INTS6L: variants seen among roughly 807,000 people sequenced by gnomAD.
INTS6L encodes integrator complex subunit 6-like.
Under a neutral mutation model 64.7 loss-of-function variants are expected in INTS6L, and 18 were observed. The observed-to-expected ratio is 0.28, with a 90% CI of 0.19 to 0.41. INTS6L has a LOEUF of 0.41. Among genes scored for constraint, INTS6L ranks in the 10% least tolerant of loss-of-function variants. The pLI is 1.00. For missense variants in INTS6L, 533 were observed against 661.0 expected (o/e 0.81, Z 2.12); for synonymous variants, 227 against 235.9 (o/e 0.96, Z 0.34).
At chrX:135,577,932 G>A (rs2087274659) in intron 15 of INTS6L, among the ~76,000 whole-genome samples, 2 of 112,017 alleles carry the variant, frequency 1.8e-5, no homozygotes, top group African/African-American at 6.5e-5. Flanking sequence ...TCTCATCAAG[G>A]TCACTAGTGT....
intron 11 of INTS6L, 42 bp from the exon 12 acceptor site, chrX:135,572,773 A>G: frequency 9.3e-7 from 1 of 1,078,726 alleles, no homozygotes; most frequent in South Asian, 2.0e-5. Context: ...TGACAGTGGT[A>G]ATGTAGATGT....
intron 1 of INTS6L, 38 bp downstream of exon 1, chrX:135,521,141 G>A: frequency 8.4e-7 from 1 of 1,187,853 alleles, no homozygotes. Flanking sequence ...GAGAGCTCCC[G>A]AGGGATTTCA....
rs5975544 is a variant in INTS6L, at chrX:135,574,166, T to C, written c.1741+104T>C. On this transcript the variant is annotated intron_variant, in intron 13 of 17. Coordinates refer to ENST00000639893, the MANE Select transcript of INTS6L (RefSeq NM_001351601.3). ...ATGAGTAGGCTATTTTATAGTATTT[T>C]AATGTTTAAAATGCCTGTTTTCACT... 4.8e-3 allele frequency: 4,570 copies of C among 952,099 alleles called. 127 individuals are homozygous for C. The African/African-American group carries it at 0.081, about 17-fold the overall frequency. 78.5% of individuals were successfully genotyped at this position (952,099 alleles called of 1,213,427 possible).
In INTS6L at chrX:135,546,703, T is replaced by C; in HGVS notation, c.431T>C (p.Leu144Pro). ...CTTTTCACATTTTTGCCTTATCAGC[T>C]CCATCTTCCTTTGAATTCCCCTCTG... is the stretch of plus-strand genomic sequence containing the variant. ...LTSTAGVQEE[L>P]HLPLNSPLPG... The change falls in exon 5 of 18, where the codon CTC becomes CCC. Residue 144 changes from leucine to proline, a missense_variant and splice_region_variant. Leu to Pro is a moderately conservative substitution (Grantham distance 98, BLOSUM62 -3). Transcript: ENST00000639893. 8.3e-7 allele frequency: 1 copy of C among 1,204,227 alleles called. No homozygotes were observed. Among genetic ancestry groups the C allele is most frequent in the Non-Finnish European group, 1.1e-6 (1 of 890,523 alleles).
chrX:135,554,145 A>G (rs1488193081), intron 8 of INTS6L, among the ~76,000 whole-genome samples: 7 of 111,854 alleles, frequency 6.3e-5, no homozygotes, highest in Non-Finnish European at 1.3e-4. Flanking sequence ...AGCTCTAAAG[A>G]TCCTTTGGAA....
chrX:135,563,574 TATATATATAC>T (rs1406579856), intron 9 of INTS6L, among the ~76,000 whole-genome samples: 1 of 28,327 alleles, frequency 3.5e-5, no homozygotes, highest in Non-Finnish European at 1.1e-4. Flanking sequence ...ATTCCTGAAA[TATATATATAC>T]ATATATATAT....
At chrX:135,570,037 T>C (rs782754734) in intron 10 of INTS6L, 154 of 117,931 alleles carry the variant, frequency 1.3e-3, no homozygotes, top group African/African-American at 4.7e-3. Flanking sequence ...TTAAGCGAAG[T>C]TTCTAGAGGT....
chrX:135,575,006 C>CA, intron 13 of INTS6L, 78 bp from the exon 14 acceptor site: 2 of 1,103,502 alleles, frequency 1.8e-6, no homozygotes, highest in South Asian at 4.2e-5. Context: ...ACTGCTAAAC[C>CA]AAACTATGAT....
intron 2 of INTS6L, among the ~76,000 whole-genome samples, chrX:135,535,840 G>C (rs1206492559): frequency 8.9e-6 from 1 of 112,064 alleles, no homozygotes; most frequent in Non-Finnish European, 1.9e-5. Flanking sequence ...CCACCTAGAA[G>C]AGCCCAATGT....
rs1419055899 is a variant in INTS6L, at chrX:135,545,469, A to G, written c.236A>G (p.Asn79Ser). The G allele has an allele frequency of 1.7e-6, 2 of 1,210,393 alleles. No homozygotes were observed. Among genetic ancestry groups the G allele is most frequent in the Non-Finnish European group, 2.2e-6 (2 of 895,239 alleles). Residue 79 changes from asparagine to serine, a missense_variant, in exon 3 of 18, where the codon AAT (asparagine) becomes AGT (serine). Asn to Ser is a conservative substitution (Grantham distance 46). Coordinates refer to ENST00000639893, the MANE Select transcript of INTS6L (RefSeq NM_001351601.3). ...NHATFMSELK[N>S]LQASGLTTLG... ...GCAACATTCATGAGCGAACTAAAAA[A>G]TCTTCAGGCTTCTGGACTGACTACT...
At chrX:135,526,386 C>T (rs1418189655) in intron 2 of INTS6L, among the ~76,000 whole-genome samples, 2 of 111,450 alleles carry the variant, frequency 1.8e-5, no homozygotes, top group East Asian at 2.8e-4. Context: ...CATGTCTCTG[C>T]GCCCTCTCTT....
At chrX:135,541,567 T>C (rs2086220005) in intron 2 of INTS6L, among the ~76,000 whole-genome samples, 1 of 112,251 alleles carries the variant, frequency 8.9e-6, no homozygotes, top group African/African-American at 3.2e-5. Context: ...AGCTGTAGAA[T>C]GTGACTTGCC....
chrX:135,545,756 T>C (rs930618114), intron 3 of INTS6L, among the ~76,000 whole-genome samples, 184 bp downstream of exon 3: 1 of 112,187 alleles, frequency 8.9e-6, no homozygotes, highest in Admixed American at 9.5e-5. Flanking sequence ...TATGGCTTGA[T>C]AATAGAATAG....
intron 2 of INTS6L, among the ~76,000 whole-genome samples, chrX:135,540,492 T>A (rs1439133356): frequency 1.8e-5 from 2 of 111,495 alleles, no homozygotes; most frequent in Non-Finnish European, 3.8e-5. Flanking sequence ...TAATAAACCC[T>A]TAGCTTAGGA....
rs1339857476 is a variant in INTS6L, at chrX:135,582,033, A to G, written c.*397A>G. 6.6e-6 allele frequency: 1 copy of G among 150,891 alleles called. No individual in the cohort carries two copies. The allele number at this position is 150,891 out of a possible 1,213,427, so 12.4% of individuals were successfully genotyped here. A position where few individuals can be genotyped will look rare whatever the true frequency, so the allele number is the denominator to read the frequency against. Reference sequence around the variant, plus strand: ...GCTCTTACTGTGTCCTTCAGAAAGAATAGGTGTACAGAAAGGAAATGGCAA... The same window carrying G: ...GCTCTTACTGTGTCCTTCAGAAAGAGTAGGTGTACAGAAAGGAAATGGCAA... On this transcript the variant is annotated 3_prime_UTR_variant, in exon 18 of 18. Transcript: ENST00000639893.
intron 2 of INTS6L, among the ~76,000 whole-genome samples, chrX:135,541,124 C>A: frequency 9.0e-6 from 1 of 111,396 alleles, no homozygotes; most frequent in Non-Finnish European, 1.9e-5. Context: ...CACTTTCCTG[C>A]AGGCTGTCCT....
At chrX:135,564,881 G>A (rs782819101) in intron 9 of INTS6L, among the ~76,000 whole-genome samples, 1 of 111,501 alleles carries the variant, frequency 9.0e-6, no homozygotes, top group South Asian at 3.8e-4. Flanking sequence ...CCCTCTTGGA[G>A]AAACTGGGAG....
intron 9 of INTS6L, among the ~76,000 whole-genome samples, chrX:135,556,607 CAA>C (rs1272655530): frequency 1.8e-5 from 2 of 111,390 alleles, no homozygotes; most frequent in African/African-American, 6.5e-5. Context: ...CAAAAAATAC[CAA>C]AACAGAGCTA....
intron 2 of INTS6L, among the ~76,000 whole-genome samples, chrX:135,542,917 C>G (rs1209269774): frequency 1.8e-5 from 2 of 111,771 alleles, no homozygotes; most frequent in Admixed American, 9.4e-5. Context: ...ACAAGTTTGC[C>G]AAAGCCAGAA....
Sources: gnomAD v4.1 joint callset for allele counts (sites outside exome capture counted in the v4.1 genomes callset) on GRCh38, gnomAD v4.1.1 for gene constraint, MANE v1.5 for transcripts, NCBI Gene and HGNC (gene_info 2026-07-23, HGNC 2026-07-21) for gene names.